Variants in LRRC43 observed in about 807,000 individuals in gnomAD.
LRRC43 encodes leucine-rich repeat-containing protein 43.
A neutral mutation model predicts 64.3 loss-of-function variants in LRRC43; 62 were observed. The observed-to-expected ratio is 0.96, with a 90% CI of 0.79 to 1.19. LRRC43 has a LOEUF of 1.19. LRRC43 is among the 50% of genes most tolerant of loss of function. The probability of loss-of-function intolerance (pLI) is 0.00; values close to 1 mark genes in which losing one functional copy is unlikely to be tolerated. For synonymous variants in LRRC43, 422 were observed against 382.3 expected, an observed-to-expected ratio of 1.10 and a Z score of -1.21; for missense variants, 868 against 845.0, an observed-to-expected ratio of 1.03 and a Z score of -0.34.
rs1407928402 is a variant in LRRC43, at chr12:122,184,447, CTGTTT to C, written c.151-69_151-65del. 1.4e-5 allele frequency: 22 copies of C among 1,540,974 alleles called. No homozygotes were observed. The African/African-American group carries it at 2.5e-4, about 17-fold the overall frequency. ...TAATCGTCCAGTTTTATGATCTGTT[CTGTTT>C]TGAGAGTTTGGTGTCCTTAAGGGGG... On this transcript the variant is annotated intron_variant, in intron 1 of 11. Coordinates refer to ENST00000339777, the MANE Select transcript of LRRC43 (RefSeq NM_001098519.2). This position sits in a 1 kb window ranked among gnomAD's most constrained non-coding sequence, Gnocchi z 4.0.
chr12:122,169,449 C>T (rs1953465706), intron 1 of LRRC43, among the ~76,000 whole-genome samples: 1 of 152,140 alleles, frequency 6.6e-6, no homozygotes, highest in African/African-American at 2.4e-5. Context: ...GGCGCAGTGG[C>T]TCATTCCTGT....
chr12:122,194,538 C>G (rs900161459), intron 7 of LRRC43, among the ~76,000 whole-genome samples: 10 of 150,934 alleles, frequency 6.6e-5, no homozygotes, highest in Non-Finnish European at 1.5e-4. Context: ...TCCACTCCAC[C>G]CTGGGCAATA....
At chr12:122,179,987 AAG>A (rs930778512), upstream of LRRC43, among the ~76,000 whole-genome samples, 5 of 151,380 alleles carry the variant, frequency 3.3e-5, no homozygotes, top group East Asian at 1.9e-4. Flanking sequence ...AAAAAAAAAA[AAG>A]AGAGAGAGAA....
At chr12:122,172,772 G>T (rs1953498858) in intron 1 of LRRC43, 3 of 1,529,626 alleles carry the variant, frequency 2.0e-6, no homozygotes, top group Non-Finnish European at 2.7e-6. Context: ...GTCAGTGTTG[G>T]GTTTGCAATG....
chr12:122,188,132 C>T (rs967924018), intron 4 of LRRC43, among the ~76,000 whole-genome samples: 21 of 152,200 alleles, frequency 1.4e-4, no homozygotes, highest in Admixed American at 2.6e-4. Context: ...TTTGAGACAG[C>T]ATCTCGCTTT....
At chr12:122,192,508 A>G (rs919433140) in intron 6 of LRRC43, among the ~76,000 whole-genome samples, 2 of 152,204 alleles carry the variant, frequency 1.3e-5, no homozygotes, top group African/African-American at 2.4e-5. Flanking sequence ...CCATCCAACC[A>G]GGAGAAACCT....
chr12:122,200,255 G>T lies in LRRC43; in HGVS notation c.1416G>T (p.Gln472His). 2 of 1,614,000 alleles carry T rather than the reference G, an allele frequency of 1.2e-6. No homozygotes were observed. Among genetic ancestry groups the T allele is most frequent in the Non-Finnish European group, 1.7e-6 (2 of 1,180,032 alleles). Reference sequence around the variant, plus strand: ...TCATCCCCTGCAGTTACGAGATGCAGCACTCTCTCAGGGACCTGGTCCCAC... The same window carrying T: ...TCATCCCCTGCAGTTACGAGATGCATCACTCTCTCAGGGACCTGGTCCCAC... Reference protein sequence around the residue: ...AEVIPCSYEMQHSLRDLVPLK... With the variant: ...AEVIPCSYEMHHSLRDLVPLK... Residue 472 changes from glutamine (Q) to histidine (H), a missense_variant, in exon 8 of 12, where the codon CAG becomes CAT. Coordinates refer to ENST00000339777, the MANE Select transcript of LRRC43 (RefSeq NM_001098519.2). The surrounding 1 kb of genome is among the most constrained non-coding windows in gnomAD (Gnocchi z 4.6).
intron 4 of LRRC43, among the ~76,000 whole-genome samples, chr12:122,188,354 G>T (rs1051258592): frequency 6.6e-6 from 1 of 151,660 alleles, no homozygotes; most frequent in Non-Finnish European, 1.5e-5. Context: ...TGATCCGCCC[G>T]TCTCGGCCTC....
At position 122,200,835 on chromosome 12, in the gene LRRC43, G is replaced by A. The variant is rs766203241; in HGVS notation, c.1710G>A (p.Val570=). ...PILQVLGRGL[V]ILEPLLAGEP... ...TCCAGGTGCTGGGCCGGGGCCTGGT[G>A]ATCCTGGAGCCCCTGCTCGCCGGGG... The change falls in exon 10 of 12, where the codon GTG becomes GTA. Residue 570 remains valine, a synonymous_variant. Transcript: ENST00000339777. The surrounding 1 kb of genome is among the most constrained non-coding windows in gnomAD (Gnocchi z 4.6). 6.2e-7 allele frequency: 1 copy of A among 1,613,208 alleles called. No homozygotes were observed. The highest frequency in any genetic ancestry group is 8.5e-7 in the Non-Finnish European group (1 of 1,179,990).
intron 3 of LRRC43, among the ~76,000 whole-genome samples, chr12:122,186,678 G>A (rs540593486): frequency 6.6e-6 from 1 of 152,332 alleles, no homozygotes; most frequent in African/African-American, 2.4e-5. Flanking sequence ...CAGCACTTTG[G>A]GAGGCCGAGG....
intron 7 of LRRC43, among the ~76,000 whole-genome samples, chr12:122,194,960 A>G (rs549579618): frequency 6.6e-6 from 1 of 152,284 alleles, no homozygotes; most frequent in South Asian, 2.1e-4. Flanking sequence ...TGTCTTTTGT[A>G]TTTGCCTACA....
chr12:122,201,279 G>T lies in LRRC43; in HGVS notation c.1810-17G>T. The T allele has an allele frequency of 1.9e-6, 3 of 1,613,918 alleles. No homozygotes were observed. The highest frequency in any genetic ancestry group is 2.5e-6 in the Non-Finnish European group (3 of 1,179,802). On this transcript the variant is annotated splice_polypyrimidine_tract_variant and intron_variant, in intron 10 of 11. Coordinates refer to ENST00000339777, the MANE Select transcript of LRRC43 (RefSeq NM_001098519.2). The stretch of plus-strand genomic sequence containing the variant: ...CCCTCTCCAGTAAGCATCTCGTTTT[G>T]TGGTTCTTTCTCTCAGGATTCAAAG...
chr12:122,170,928 T>C (rs968440024), intron 1 of LRRC43, among the ~76,000 whole-genome samples: 4 of 152,192 alleles, frequency 2.6e-5, no homozygotes, highest in Admixed American at 1.3e-4. Context: ...ATTCAGTAGG[T>C]CTGGGGTGAG....
In LRRC43 at chr12:122,192,976, A is replaced by G. The variant is rs1953735763; in HGVS notation, c.1321A>G (p.Ile441Val). 2 of 1,613,992 alleles carry G rather than the reference A, an allele frequency of 1.2e-6. No individual in the cohort carries two copies. Among genetic ancestry groups the G allele is most frequent in the Non-Finnish European group, 1.7e-6 (2 of 1,179,988 alleles). ...AGAGCTGGCCAAGTTGAGGCTGCGT[A>G]TAGATCCCCGGCTCTGCCCGTCCCC... The part of the protein sequence containing the change: ...AEELAKLRLR[I>V]DPRLCPSPGT... The change falls in exon 7 of 12, where the codon ATA (isoleucine) becomes GTA (valine). Residue 441 changes from isoleucine (I) to valine (V), a missense_variant. Transcript: ENST00000339777.
upstream of LRRC43, among the ~76,000 whole-genome samples, chr12:122,179,988 AG>A (rs1953568532): frequency 2.5e-4 from 38 of 150,044 alleles, no homozygotes; most frequent in African/African-American, 8.4e-4. Flanking sequence ...AAAAAAAAAA[AG>A]AGAGAGAGAA....
At chr12:122,198,930 G>A (rs982533523) in intron 7 of LRRC43, among the ~76,000 whole-genome samples, 1 of 151,570 alleles carries the variant, frequency 6.6e-6, no homozygotes, top group Admixed American at 6.6e-5. Context: ...ACTGAGCCCG[G>A]CCCATATCAC....
At chr12:122,175,479 C>T (rs1953529625) in intron 1 of LRRC43, among the ~76,000 whole-genome samples, 1 of 151,112 alleles carries the variant, frequency 6.6e-6, no homozygotes, top group South Asian at 2.1e-4. Flanking sequence ...GAAACTATTT[C>T]TAAGTTCATT....
chr12:122,201,563 G>A (rs1040202241), intron 11 of LRRC43, among the ~76,000 whole-genome samples: 2 of 152,210 alleles, frequency 1.3e-5, no homozygotes, highest in East Asian at 1.9e-4. Context: ...GAGCCATAGC[G>A]GGGCAAGAGC....
At chr12:122,186,153 C>A in intron 2 of LRRC43, 37 bp from the exon 3 acceptor site, 1 of 1,225,308 alleles carries the variant, frequency 8.2e-7, no homozygotes, top group African/African-American at 1.5e-5. Flanking sequence ...TGCTCCCTCT[C>A]CTGCTACAGC....
Sources: gnomAD v4.1 joint callset for allele counts (sites outside exome capture counted in the v4.1 genomes callset) on GRCh38, gnomAD v4.1.1 for gene constraint, Gnocchi (gnomAD v3.1) non-coding constraint, MANE v1.5 for transcripts, NCBI Gene and HGNC (gene_info 2026-07-23, HGNC 2026-07-21) for gene names.